The following SBNO2 variants were observed in gnomAD, a reference collection of about 807,000 sequenced individuals.
SBNO2 encodes strawberry notch homolog 2, also known as protein strawberry notch homolog 2.
Under a neutral mutation model 146.3 loss-of-function variants are expected in SBNO2, and 89 were observed. The ratio of observed to expected loss-of-function variants is 0.61; its 90% CI spans 0.51 to 0.73. The LOEUF is 0.73. SBNO2 is among the 30% of genes least tolerant of loss of function. The probability of loss-of-function intolerance (pLI) is 0.00; values close to 1 mark genes in which losing one functional copy is unlikely to be tolerated. For missense variants in SBNO2, 2,092 were observed against 2,003.7 expected, an observed-to-expected ratio of 1.04 and a Z score of -0.84; for synonymous variants, 1,147 against 892.6, an observed-to-expected ratio of 1.29 and a Z score of -5.08.
At chr19:1,111,739 AC>A in intron 23 of SBNO2, 125 bp from the exon 24 acceptor site, 1 of 673,558 alleles carries the variant, frequency 1.5e-6, no homozygotes, top group Non-Finnish European at 2.4e-6. Flanking sequence ...AGACTCCTAG[AC>A]CCCACCTCCC....
rs532408166 is a variant in SBNO2, at chr19:1,151,067, G to A, written c.94-1625C>T. On this transcript the variant is annotated intron_variant, in intron 2 of 31. Transcript: ENST00000361757. ...ACCAGCCACAGGGGCTCCAGAGCCC[G>A]GGTCTCCTGATCCTTCCCCTCCTCC... is the stretch of plus-strand genomic sequence containing the variant. Among the ~76,000 whole-genome samples the A allele has an allele frequency of 2.1e-3, 315 of 152,376 alleles. 2 individuals are homozygous for A. The highest frequency in any genetic ancestry group is 4.9e-3 in the African/African-American group (204 of 41,588).
chr19:1,147,762 G>C (rs909721901), intron 3 of SBNO2, among the ~76,000 whole-genome samples: 2 of 152,074 alleles, frequency 1.3e-5, no homozygotes, highest in Non-Finnish European at 2.9e-5. Context: ...CAGAACCCCA[G>C]CCTGGCCATC....
At chr19:1,134,317 C>T (rs1173234150) in intron 4 of SBNO2, among the ~76,000 whole-genome samples, 18 of 134,124 alleles carry the variant, frequency 1.3e-4, no homozygotes, top group Admixed American at 1.2e-3. Flanking sequence ...CTACAGCTCA[C>T]GGGTGGACCC....
At chr19:1,130,523 G>C (rs2080016900) in intron 4 of SBNO2, among the ~76,000 whole-genome samples, 1 of 151,226 alleles carries the variant, frequency 6.6e-6, no homozygotes, top group African/African-American at 2.4e-5. Flanking sequence ...GCAGGGCGTA[G>C]TGGCTCATGC....
In SBNO2 at chr19:1,110,423, C is replaced by T. The variant is rs1480109217; in HGVS notation, c.3028+322G>A. Among the ~76,000 whole-genome samples the T allele has an allele frequency of 6.6e-6, 1 of 152,176 alleles. No homozygotes were observed. Among genetic ancestry groups the T allele is most frequent in the Admixed American group, 6.5e-5 (1 of 15,288 alleles). On this transcript the variant is annotated intron_variant, in intron 26 of 31. Coordinates refer to ENST00000361757, the MANE Select transcript of SBNO2 (RefSeq NM_014963.3). The surrounding 1 kb of genome is among the most constrained non-coding windows in gnomAD (Gnocchi z 4.9). ...AGACGTGCACGGTGATCCCACGAGC[C>T]CTGTGCCTGCATCCGCCCAGTCTCA...
intron 9 of SBNO2, 34 bp from the exon 10 acceptor site, chr19:1,122,592 T>TGCCCCCCCCCCC: frequency 6.9e-6 from 10 of 1,455,610 alleles, no homozygotes; most frequent in East Asian, 2.5e-5. Context: ...CGCCCACCCT[T>TGCCCCCCCCCCC]CCCCCTCGCC....
rs1421938483 is a variant in SBNO2, at chr19:1,157,333, C to T, written c.-126-2931G>A. Among the ~76,000 whole-genome samples the T allele has an allele frequency of 6.6e-6, 1 of 151,316 alleles. No individual in the cohort carries two copies. Among genetic ancestry groups the T allele is most frequent in the African/African-American group, 2.5e-5 (1 of 40,678 alleles). On this transcript the variant is annotated intron_variant, in intron 1 of 31. Coordinates refer to ENST00000361757, the MANE Select transcript of SBNO2 (RefSeq NM_014963.3). This position sits in a 1 kb window ranked among gnomAD's most constrained non-coding sequence, Gnocchi z 6.8. ...ACACCCCAACGCAGCCTCTGCCACG[C>T]AGCCCCGGAGACGCTCTCCCCACGC...
chr19:1,147,330 T>C lies in SBNO2; in HGVS notation c.258A>G (p.Pro86=). The C allele has an allele frequency of 1.3e-6, 2 of 1,567,256 alleles. No individual in the cohort carries two copies. Among genetic ancestry groups the C allele is most frequent in the South Asian group, 2.3e-5 (2 of 85,854 alleles). ...APVATASSLP[P]KTCDFAQDSS... ...CTACCTGAGCAAAGTCGCAGGTCTTTGGTGGCAAGCTGGAGGCGGTGGCCA... is the reference window on the plus strand; with the variant it reads ...CTACCTGAGCAAAGTCGCAGGTCTTCGGTGGCAAGCTGGAGGCGGTGGCCA... Residue 86 remains proline (P), a synonymous_variant, in exon 4 of 32, where the codon CCA becomes CCG. Transcript: ENST00000361757.
At chr19:1,125,308 G>A (rs2079952487) in intron 5 of SBNO2, among the ~76,000 whole-genome samples, 1 of 146,824 alleles carries the variant, frequency 6.8e-6, no homozygotes, top group African/African-American at 2.6e-5. Flanking sequence ...GCAGTGAGCT[G>A]AGATCACGCC....
At chr19:1,127,550 T>C (rs2079979650) in intron 5 of SBNO2, 54 bp downstream of exon 5, 4 of 1,563,192 alleles carry the variant, frequency 2.6e-6, no homozygotes, top group Non-Finnish European at 3.5e-6. Context: ...GGTCCCGGGC[T>C]GGGGAGGCCA....
At chr19:1,161,877 GC>G (rs1450300451) in intron 1 of SBNO2, among the ~76,000 whole-genome samples, 11 of 131,834 alleles carry the variant, frequency 8.3e-5, no homozygotes, top group Non-Finnish European at 1.3e-4. Context: ...GAGGGTGAAA[GC>G]CGATCCACTC....
rs1331340193 is a variant in SBNO2, at chr19:1,108,629, C to T, written c.3692G>A (p.Arg1231Lys). The T allele has an allele frequency of 1.0e-5, 15 of 1,469,974 alleles. No individual in the cohort carries two copies. The highest frequency in any genetic ancestry group is 1.3e-5 in the Non-Finnish European group (14 of 1,119,496). 91.1% of individuals were successfully genotyped at this position (1,469,974 alleles called of 1,614,324 possible). A position where few individuals can be genotyped will look rare whatever the true frequency, so the allele number is the denominator to read the frequency against. Residue 1231 changes from arginine to lysine, a missense_variant, in exon 32 of 32, where the codon AGG becomes AAG. Physicochemically the swap from Arg to Lys is conservative, Grantham distance 26. Coordinates refer to ENST00000361757, the MANE Select transcript of SBNO2 (RefSeq NM_014963.3). ...GGGGCAGCCCAGGGCGGGCGCCTGCCTGCGCTTCACGTCCGCATCCATCAG... is the reference window on the plus strand; with the variant it reads ...GGGGCAGCCCAGGGCGGGCGCCTGCTTGCGCTTCACGTCCGCATCCATCAG... ...LRLMDADVKR[R>K]QAPALGCPAP...
At chr19:1,172,772 G>T (rs2080490550) in intron 1 of SBNO2, among the ~76,000 whole-genome samples, 1 of 63,784 alleles carries the variant, frequency 1.6e-5, no homozygotes, top group African/African-American at 1.0e-4. Context: ...AACACTCACT[G>T]CAACCGCCCC....
At chr19:1,168,067 C>A (rs2080443009) in intron 1 of SBNO2, among the ~76,000 whole-genome samples, 1 of 152,130 alleles carries the variant, frequency 6.6e-6, no homozygotes, top group Non-Finnish European at 1.5e-5. Flanking sequence ...GACTTGTGGG[C>A]AGGAATGTGG....
intron 4 of SBNO2, among the ~76,000 whole-genome samples, chr19:1,139,540 A>C (rs939687473): frequency 6.6e-6 from 1 of 152,068 alleles, no homozygotes; most frequent in African/African-American, 2.4e-5. Context: ...CGCACCTGTA[A>C]TCCCGACACT....
intron 4 of SBNO2, among the ~76,000 whole-genome samples, chr19:1,139,407 A>G (rs956405899): frequency 6.6e-6 from 1 of 152,128 alleles, no homozygotes; most frequent in African/African-American, 2.4e-5. Flanking sequence ...TTAGAATTAC[A>G]TGGTGATGGC....
chr19:1,117,025 C>G (rs1413430761), intron 15 of SBNO2, 99 bp from the exon 16 acceptor site: 2 of 1,152,348 alleles, frequency 1.7e-6, no homozygotes, highest in Non-Finnish European at 2.5e-6. Flanking sequence ...ATCCCTCACT[C>G]TGCTGCTGTG....
chr19:1,113,448 G>C (rs1408983046), intron 19 of SBNO2, 87 bp downstream of exon 19: 31 of 1,183,432 alleles, frequency 2.6e-5, no homozygotes, highest in Non-Finnish European at 1.4e-5. Context: ...ACCAGCAGGG[G>C]CCACCAGAGC....
Position 1,113,650 on chromosome 19 carries a change from ACCCGCT to A in SBNO2, c.2126_2131del (p.Glu709_Arg710del), listed in dbSNP as rs1205830123. 1 of 1,596,544 alleles carries A rather than the reference ACCCGCT, an allele frequency of 6.3e-7. No homozygotes were observed. On this transcript the variant is annotated inframe_deletion, in exon 19 of 32. Coordinates refer to ENST00000361757, the MANE Select transcript of SBNO2 (RefSeq NM_014963.3). ...CAGCAGATCCTGCTTCAGCCGCTCC[ACCCGCT>A]CCAGGACCCCGGGGCCATGCGGGTC... is the stretch of plus-strand genomic sequence containing the variant.
Sources: allele counts gnomAD v4.1 joint callset (sites outside exome capture counted in the v4.1 genomes callset), GRCh38; gene constraint gnomAD v4.1.1; non-coding constraint Gnocchi (gnomAD v3.1); transcripts MANE v1.5; gene names NCBI Gene and HGNC (gene_info 2026-07-23, HGNC 2026-07-21).